The following OSBPL1A variants were observed in gnomAD, a reference collection of about 807,000 sequenced individuals.
OSBPL1A encodes the protein oxysterol-binding protein-related protein 1.
OSBPL1A carries 80 observed loss-of-function variants against 137.1 expected under a neutral mutation model. The observed-to-expected ratio is 0.58, with a 90% CI of 0.49 to 0.70. OSBPL1A has a LOEUF of 0.70. OSBPL1A is among the 30% of genes least tolerant of loss of function. The pLI is 0.00. For synonymous variants in OSBPL1A, 365 were observed against 389.7 expected (o/e 0.94, Z 0.75); for missense variants, 970 against 1,129.4 (o/e 0.86, Z 2.02).
Position 24,311,996 on chromosome 18 carries a change from C to A in OSBPL1A, c.1080G>T (p.Lys360Asn), listed in dbSNP as rs774858829. The part of the protein sequence containing the change: ...EEDTVSAADL[K>N]KSLEKAQSCQ... ...TTTTCCTATTTACCTCTAATGATTT[C>A]TTCAGGTCTGCAGCAGAAACCGTAT... Residue 360 changes from lysine to asparagine, a missense_variant, in exon 13 of 28, where the codon AAG becomes AAT. Coordinates refer to ENST00000319481, the MANE Select transcript of OSBPL1A (RefSeq NM_080597.4). The A allele has an allele frequency of 6.2e-6, 10 of 1,613,928 alleles. No homozygotes were observed. The highest frequency in any genetic ancestry group is 1.1e-5 in the South Asian group (1 of 91,082).
intron 7 of OSBPL1A, among the ~76,000 whole-genome samples, chr18:24,331,648 G>A (rs1156792947): frequency 2.0e-5 from 3 of 151,998 alleles, no homozygotes; most frequent in South Asian, 2.1e-4. Flanking sequence ...CGCCCGCCTC[G>A]GCCTCCCAAA....
intron 4 of OSBPL1A, among the ~76,000 whole-genome samples, chr18:24,354,881 A>G (rs899702191): frequency 6.6e-6 from 1 of 151,888 alleles, no homozygotes; most frequent in African/African-American, 2.4e-5. Flanking sequence ...TCTGCAGGTC[A>G]GCCCTCCCAC....
chr18:24,172,001 C>A (rs1476575800), intron 22 of OSBPL1A, among the ~76,000 whole-genome samples: 1 of 148,720 alleles, frequency 6.7e-6, no homozygotes, highest in Non-Finnish European at 1.5e-5. Context: ...AGTGCAGTGG[C>A]GCTATCTCGG....
Position 24,162,916 on chromosome 18 carries a change from A to G in OSBPL1A, c.*263T>C, listed in dbSNP as rs765644426. 1 of 246,682 alleles carries G rather than the reference A, an allele frequency of 4.1e-6. No individual in the cohort carries two copies. Among genetic ancestry groups the G allele is most frequent in the Non-Finnish European group, 7.8e-6 (1 of 128,762 alleles). The allele number at this position is 246,682 out of a possible 1,614,324, so 15.3% of individuals were successfully genotyped here. A position where few individuals can be genotyped will look rare whatever the true frequency, so the allele number is the denominator to read the frequency against. On this transcript the variant is annotated 3_prime_UTR_variant, in exon 28 of 28. Transcript: ENST00000319481. ...TGGCAACAGCAACCATAAAAAGCAT[A>G]TTCCCCAGCAGTGTTCTCTTACCTC...
intron 7 of OSBPL1A, 87 bp from the exon 8 acceptor site, chr18:24,318,896 T>C: frequency 1.8e-6 from 2 of 1,088,020 alleles, no homozygotes; most frequent in Non-Finnish European, 2.7e-6. Flanking sequence ...TAATAGTCCT[T>C]CATTTTTCTA....
Position 24,320,153 on chromosome 18 carries a change from T to C in OSBPL1A, c.626-1344A>G, listed in dbSNP as rs1456828908. On this transcript the variant is annotated intron_variant, in intron 7 of 27. Transcript: ENST00000319481. ...ATTTTTATAAATACCAAACATCTGG[T>C]ATGTGTTGGCAATTTTTTTGTATGA... Among the ~76,000 whole-genome samples the C allele has an allele frequency of 2.0e-5, 3 of 151,994 alleles. No homozygotes were observed. The East Asian group carries it at 5.8e-4, about 29-fold the overall frequency.
intron 1 of OSBPL1A, among the ~76,000 whole-genome samples, chr18:24,395,562 G>C (rs1907674160): frequency 6.6e-6 from 1 of 152,068 alleles, no homozygotes; most frequent in Admixed American, 6.6e-5. Flanking sequence ...CAACCTAATT[G>C]TCGGTTCTAA....
chr18:24,376,658 G>A lies in OSBPL1A; in HGVS notation c.121+755C>T, dbSNP rs377418344. 5.6e-4 allele frequency among the ~76,000 whole-genome samples: 85 copies of A among 152,344 alleles called. 1 individual carries two copies. Among genetic ancestry groups the A allele is most frequent in the African/African-American group, 2.0e-3 (83 of 41,586 alleles). ...AGTGCTCATCGAGGAGGCTTGGGCC[G>A]CACAGGAGCCCATGGAGGGGGTGGG... On this transcript the variant is annotated intron_variant, in intron 2 of 27. Transcript: ENST00000319481.
chr18:24,254,661 C>T, intron 15 of OSBPL1A, among the ~76,000 whole-genome samples: 1 of 151,788 alleles, frequency 6.6e-6, no homozygotes, highest in South Asian at 2.1e-4. Context: ...CACACCAAAA[C>T]CTATGAGATA....
rs72884809 is a variant in OSBPL1A, at chr18:24,234,150, G to A, written c.1444+5070C>T. The stretch of plus-strand genomic sequence containing the variant: ...AGAAATATATATGAATATATATGAA[G>A]AACCACTTTCTTCTTCTATAAAGCA... On this transcript the variant is annotated intron_variant, in intron 16 of 27. Coordinates refer to ENST00000319481, the MANE Select transcript of OSBPL1A (RefSeq NM_080597.4). Among the ~76,000 whole-genome samples, 1,414 of 152,274 alleles carry A rather than the reference G, an allele frequency of 9.3e-3. 17 individuals are homozygous for A. Among genetic ancestry groups the A allele is most frequent in the Admixed American group, 0.016 (244 of 15,296 alleles).
chr18:24,262,303 T>C (rs2146043407), intron 15 of OSBPL1A, among the ~76,000 whole-genome samples: 1 of 152,334 alleles, frequency 6.6e-6, no homozygotes, highest in South Asian at 2.1e-4. Flanking sequence ...TGTCTCATCA[T>C]GGTTGCAAAG....
chr18:24,314,766 A>G (rs1424857344), intron 11 of OSBPL1A, among the ~76,000 whole-genome samples: 1 of 152,208 alleles, frequency 6.6e-6, no homozygotes, highest in Non-Finnish European at 1.5e-5. Flanking sequence ...GAGAAAAGGG[A>G]AAGAGAGTAA....
intron 15 of OSBPL1A, among the ~76,000 whole-genome samples, chr18:24,267,670 A>T (rs1266127772): frequency 1.3e-5 from 2 of 152,144 alleles, no homozygotes; most frequent in East Asian, 1.9e-4. Context: ...TAGCAGATTT[A>T]AAAAAACCAT....
chr18:24,185,821 C>T (rs147147088), intron 18 of OSBPL1A, among the ~76,000 whole-genome samples: 20 of 152,254 alleles, frequency 1.3e-4, no homozygotes, highest in African/African-American at 4.6e-4. Flanking sequence ...TGTGTAATCT[C>T]ACCACTTTGG....
chr18:24,332,493 T>C (rs908396150), intron 7 of OSBPL1A, among the ~76,000 whole-genome samples: 3 of 151,020 alleles, frequency 2.0e-5, no homozygotes. Flanking sequence ...GAAGAAAACT[T>C]TACTCAAGAG....
intron 4 of OSBPL1A, among the ~76,000 whole-genome samples, chr18:24,346,622 G>A (rs1401667507): frequency 6.6e-6 from 1 of 152,150 alleles, no homozygotes; most frequent in African/African-American, 2.4e-5. Flanking sequence ...GTTCATTTAT[G>A]TTTTGGTGTG....
At chr18:24,332,379 C>A in intron 7 of OSBPL1A, among the ~76,000 whole-genome samples, 1 of 95,374 alleles carries the variant, frequency 1.0e-5, no homozygotes, top group Non-Finnish European at 1.8e-5. Context: ...GAGAGAGACT[C>A]TGTCTCAAAA....
At chr18:24,377,660 G>T in intron 1 of OSBPL1A, 125 bp from the exon 2 acceptor site, 2 of 972,882 alleles carry the variant, frequency 2.1e-6, no homozygotes, top group Non-Finnish European at 2.9e-6. Context: ...CACAACAACT[G>T]AATAAATCCG....
intron 17 of OSBPL1A, among the ~76,000 whole-genome samples, chr18:24,198,469 A>G (rs2087104258): frequency 6.6e-6 from 1 of 152,198 alleles, no homozygotes; most frequent in Non-Finnish European, 1.5e-5. Flanking sequence ...ATTATCTGCA[A>G]CATTCATTAC....
Sources: gnomAD v4.1 joint callset for allele counts (sites outside exome capture counted in the v4.1 genomes callset) on GRCh38, gnomAD v4.1.1 for gene constraint, MANE v1.5 for transcripts, NCBI Gene and HGNC (gene_info 2026-07-23, HGNC 2026-07-21) for gene names.